MYO18B: variants seen among roughly 807,000 people sequenced by gnomAD.
MYO18B encodes unconventional myosin-XVIIIb.
A neutral mutation model predicts 273.0 loss-of-function variants in MYO18B; 204 were observed. The ratio of observed to expected loss-of-function variants is 0.75; its 90% CI spans 0.67 to 0.84. The LOEUF (loss-of-function observed/expected upper bound fraction) is 0.84. Ranked by LOEUF, MYO18B falls within the 40% of genes least tolerant of loss-of-function variation. MYO18B has a pLI of 0.00. For synonymous variants in MYO18B, 1,330 were observed against 1,305.7 expected (o/e 1.02, Z -0.40); for missense variants, 3,212 against 3,287.6 (o/e 0.98, Z 0.56).
chr22:25,789,292 CTCT>C (rs914903464), intron 11 of MYO18B, among the ~76,000 whole-genome samples: 3 of 150,400 alleles, frequency 2.0e-5, no homozygotes, highest in Non-Finnish European at 4.4e-5. Flanking sequence ...TATCTCTATT[CTCT>C]TCTAATTCAT....
At chr22:25,960,072 C>T (rs959098253) in intron 39 of MYO18B, among the ~76,000 whole-genome samples, 19 of 152,168 alleles carry the variant, frequency 1.2e-4, no homozygotes, top group African/African-American at 4.3e-4. Context: ...GATTTATACC[C>T]CCAGCTGACT....
At chr22:25,917,752 A>G (rs2092284553) in intron 33 of MYO18B, among the ~76,000 whole-genome samples, 1 of 151,906 alleles carries the variant, frequency 6.6e-6, no homozygotes, top group African/African-American at 2.4e-5. Flanking sequence ...CTCTCCCTCT[A>G]TTGCTTTCCT....
intron 41 of MYO18B, 69 bp downstream of exon 41, chr22:26,003,378 C>T (rs1489310291): frequency 1.3e-5 from 17 of 1,356,876 alleles, no homozygotes; most frequent in Non-Finnish European, 1.8e-5. Context: ...GTCCAGTTTG[C>T]AGAGGGAACA....
intron 26 of MYO18B, 67 bp from the exon 27 acceptor site, chr22:25,891,237 A>G (rs2091653838): frequency 1.7e-6 from 2 of 1,208,184 alleles, no homozygotes. Flanking sequence ...GAAGCACTTC[A>G]TGGGTAAGAT....
chr22:25,822,563 G>C (rs1340369291), intron 12 of MYO18B, among the ~76,000 whole-genome samples: 1 of 152,202 alleles, frequency 6.6e-6, no homozygotes, highest in Non-Finnish European at 1.5e-5. Context: ...CATGAGGGGA[G>C]CTCAGTCAAC....
chr22:25,991,079 T>C (rs9608443), intron 39 of MYO18B, among the ~76,000 whole-genome samples: 27,645 of 152,138 alleles, frequency 0.18, 3,296 homozygotes, highest in Non-Finnish European at 0.27. Context: ...CTGCCACAAT[T>C]CTTATTTCTA....
intron 39 of MYO18B, among the ~76,000 whole-genome samples, chr22:25,978,820 G>T (rs377740060): frequency 1.1e-4 from 17 of 152,146 alleles, no homozygotes; most frequent in African/African-American, 4.1e-4. Flanking sequence ...AGGTTGTGGT[G>T]GTGGGCGCCT....
intron 39 of MYO18B, among the ~76,000 whole-genome samples, chr22:25,987,896 T>A (rs1444297911): frequency 6.6e-6 from 1 of 152,240 alleles, no homozygotes; most frequent in Non-Finnish European, 1.5e-5. Flanking sequence ...AGTGGATTTC[T>A]GCTATCTATG....
chr22:25,917,210 C>T (rs2092274279), intron 33 of MYO18B, among the ~76,000 whole-genome samples: 1 of 152,002 alleles, frequency 6.6e-6, no homozygotes, highest in Non-Finnish European at 1.5e-5. Flanking sequence ...TTTTAAAATA[C>T]ATGATTATGT....
intron 39 of MYO18B, among the ~76,000 whole-genome samples, chr22:25,990,721 G>GAAA (rs1569270836): frequency 3.3e-4 from 9 of 27,008 alleles, no homozygotes; most frequent in East Asian, 5.1e-4. Context: ...AAAAAAAAAA[G>GAAA]AAAAAGAAAA....
intron 20 of MYO18B, among the ~76,000 whole-genome samples, chr22:25,847,921 T>G (rs1385099597): frequency 6.7e-6 from 1 of 148,532 alleles, no homozygotes; most frequent in Non-Finnish European, 1.5e-5. Flanking sequence ...TTTTTTTTTC[T>G]TTATTTCTTC....
rs567520916 is a variant in MYO18B, at chr22:26,015,124, C to A, written c.6470+10269C>A. Among the ~76,000 whole-genome samples the A allele has an allele frequency of 2.0e-5, 3 of 152,292 alleles. No homozygotes were observed. In the East Asian group the frequency reaches 5.8e-4, roughly 29 times the overall value. On this transcript the variant is annotated intron_variant, in intron 42 of 43. Transcript: ENST00000335473. ...GCTTTTGGCATCTTCATCATGAAAT[C>A]TTTGCCCATTCCTGTGTCCAGAATG... is the stretch of plus-strand genomic sequence containing the variant.
intron 36 of MYO18B, among the ~76,000 whole-genome samples, chr22:25,949,932 G>A (rs1260630132): frequency 2.6e-5 from 4 of 152,144 alleles, no homozygotes; most frequent in African/African-American, 9.7e-5. Context: ...AATACGGAAA[G>A]GCTGAGCTGA....
intron 39 of MYO18B, among the ~76,000 whole-genome samples, chr22:25,972,572 C>T (rs1220860381): frequency 1.3e-5 from 2 of 152,198 alleles, no homozygotes; most frequent in East Asian, 3.8e-4. Context: ...CCAGGTGACT[C>T]CTAGGCACAG....
At chr22:25,956,068 A>G (rs1030788191) in intron 39 of MYO18B, among the ~76,000 whole-genome samples, 17 of 152,306 alleles carry the variant, frequency 1.1e-4, no homozygotes, top group African/African-American at 2.2e-4. Context: ...GGAGATATCA[A>G]CTTGCCAAAT....
chr22:26,014,900 TG>T (rs1018675298), intron 42 of MYO18B, among the ~76,000 whole-genome samples: 12 of 139,908 alleles, frequency 8.6e-5, no homozygotes, highest in African/African-American at 3.1e-4. Flanking sequence ...CACTTTTTAA[TG>T]GGTTTTTTTT....
chr22:25,830,851 G>T (rs1471022780), intron 15 of MYO18B, among the ~76,000 whole-genome samples: 3 of 152,160 alleles, frequency 2.0e-5, no homozygotes, highest in Non-Finnish European at 2.9e-5. Flanking sequence ...GAGAACCAGG[G>T]TTGTTTTAGA....
At chr22:25,752,759 A>G (rs879787176) in intron 1 of MYO18B, among the ~76,000 whole-genome samples, 2 of 152,156 alleles carry the variant, frequency 1.3e-5, no homozygotes, top group Non-Finnish European at 2.9e-5. Flanking sequence ...CACTCTGGCC[A>G]TGCTTGAGGA....
intron 33 of MYO18B, among the ~76,000 whole-genome samples, chr22:25,913,877 G>A (rs1486689773): frequency 1.3e-5 from 2 of 152,280 alleles, no homozygotes; most frequent in South Asian, 2.1e-4. Flanking sequence ...TGTTAATCAA[G>A]CATGTTTTAT....
Sources: gnomAD v4.1 joint callset for allele counts (sites outside exome capture counted in the v4.1 genomes callset) on GRCh38, gnomAD v4.1.1 for gene constraint, MANE v1.5 for transcripts, NCBI Gene and HGNC (gene_info 2026-07-23, HGNC 2026-07-21) for gene names.